ERBB4: variants seen among roughly 807,000 people sequenced by gnomAD.
ERBB4 encodes erb-b2 receptor tyrosine kinase 4.
In ERBB4, 42 loss-of-function variants were observed where a neutral mutation model predicts 158.0. That is an observed-to-expected ratio of 0.27 (90% CI 0.21 to 0.34). The LOEUF (loss-of-function observed/expected upper bound fraction) is 0.34, where lower values mean the gene tolerates loss of function less well. ERBB4 is among the 10% of genes least tolerant of loss of function. The probability of loss-of-function intolerance (pLI) is 1.00; values close to 1 mark genes in which losing one functional copy is unlikely to be tolerated. For missense variants in ERBB4, 1,333 were observed against 1,624.1 expected (o/e 0.82, Z 3.08); for synonymous variants, 583 against 558.7 (o/e 1.04, Z -0.61).
intron 19 of ERBB4, among the ~76,000 whole-genome samples, chr2:211,565,304 G>A (rs566837741): frequency 6.6e-6 from 1 of 151,096 alleles, no homozygotes; most frequent in Non-Finnish European, 1.5e-5. Flanking sequence ...ATGGGACAGA[G>A]TATGCCCTTC....
chr2:212,147,156 A>ATTTTTTTTTT (rs1454308946), intron 1 of ERBB4, among the ~76,000 whole-genome samples: 1 of 49,316 alleles, frequency 2.0e-5, no homozygotes, highest in African/African-American at 8.9e-5. Context: ...ATGCCCAGCT[A>ATTTTTTTTTT]ATTTTTTTTT....
At chr2:212,250,430 G>T (rs954586819) in intron 1 of ERBB4, among the ~76,000 whole-genome samples, 9 of 151,844 alleles carry the variant, frequency 5.9e-5, no homozygotes, top group Non-Finnish European at 2.9e-5. Context: ...TTCTCTCAAT[G>T]ACTTTTTATG....
chr2:211,733,484 G>C (rs529988987), intron 5 of ERBB4, among the ~76,000 whole-genome samples: 22 of 147,284 alleles, frequency 1.5e-4, no homozygotes, highest in Non-Finnish European at 2.2e-4. Flanking sequence ...TTAAAAATTA[G>C]AATTGAGGTC....
intron 1 of ERBB4, among the ~76,000 whole-genome samples, chr2:212,345,827 T>A (rs2088971197): frequency 6.6e-6 from 1 of 152,164 alleles, no homozygotes; most frequent in African/African-American, 2.4e-5. Context: ...ATTTCCCCAA[T>A]CAATCTATGA....
chr2:212,414,804 AG>A (rs1439169974), intron 1 of ERBB4, among the ~76,000 whole-genome samples: 3 of 152,188 alleles, frequency 2.0e-5, no homozygotes, highest in Non-Finnish European at 4.4e-5. Flanking sequence ...AAAGACATGG[AG>A]GCTAACTCAC....
intron 20 of ERBB4, among the ~76,000 whole-genome samples, chr2:211,462,886 AC>A (rs1409686814): frequency 6.6e-6 from 1 of 152,144 alleles, no homozygotes; most frequent in East Asian, 1.9e-4. Flanking sequence ...CTCAAGCTAT[AC>A]TTTATAGTTT....
chr2:211,665,558 T>A (rs1169032376), intron 14 of ERBB4, 81 bp from the exon 15 acceptor site: 1 of 1,376,360 alleles, frequency 7.3e-7, no homozygotes, highest in Non-Finnish European at 1.0e-6. Flanking sequence ...GTTTAGTTAC[T>A]GAGACTTCAG....
chr2:211,939,419 C>T (rs2080422297), intron 3 of ERBB4, among the ~76,000 whole-genome samples: 1 of 151,390 alleles, frequency 6.6e-6, no homozygotes, highest in Non-Finnish European at 1.5e-5. Flanking sequence ...GAACTGAAAG[C>T]AGTTTGCAAG....
At chr2:212,499,507 T>A (rs904303225) in intron 1 of ERBB4, among the ~76,000 whole-genome samples, 1 of 152,052 alleles carries the variant, frequency 6.6e-6, no homozygotes, top group Non-Finnish European at 1.5e-5. Flanking sequence ...TTTAGAGACA[T>A]GAGAATATTT....
Position 212,281,174 on chromosome 2 carries a change from T to G in ERBB4, c.83-156271A>C, listed in dbSNP as rs2106149535. Among the ~76,000 whole-genome samples the G allele has an allele frequency of 1.3e-5, 2 of 151,862 alleles. 1 individual carries two copies. The highest frequency in any genetic ancestry group is 4.1e-4 in the South Asian group (2 of 4,830). ...ACCGTCACAGATCTCAATTTGCTCT[T>G]CTATTATCATTAGTCTACTAATTTC... On this transcript the variant is annotated intron_variant, in intron 1 of 27. Coordinates refer to ENST00000342788, the MANE Select transcript of ERBB4 (RefSeq NM_005235.3).
At chr2:211,397,439 A>G (rs1348599325) in intron 25 of ERBB4, among the ~76,000 whole-genome samples, 1 of 152,232 alleles carries the variant, frequency 6.6e-6, no homozygotes, top group East Asian at 1.9e-4. Context: ...GCAAAAAATG[A>G]AATGGAACTA....
intron 5 of ERBB4, among the ~76,000 whole-genome samples, chr2:211,738,537 A>AT (rs1221930194): frequency 6.6e-6 from 1 of 151,398 alleles, no homozygotes; most frequent in Non-Finnish European, 1.5e-5. Flanking sequence ...CACTCAGCTA[A>AT]TTTTTTGTAT....
chr2:212,280,278 G>A (rs2085704979), intron 1 of ERBB4, among the ~76,000 whole-genome samples: 1 of 151,438 alleles, frequency 6.6e-6, no homozygotes, highest in African/African-American at 2.4e-5. Flanking sequence ...TTTTCCTGTA[G>A]CAACCAACAT....
intron 21 of ERBB4, among the ~76,000 whole-genome samples, chr2:211,429,883 A>T (rs1440495382): frequency 6.6e-6 from 1 of 152,222 alleles, no homozygotes; most frequent in Non-Finnish European, 1.5e-5. Context: ...ATCTTGCTTT[A>T]GACAAATCTT....
chr2:212,095,115 C>T (rs1427903006), intron 2 of ERBB4, among the ~76,000 whole-genome samples: 1 of 152,012 alleles, frequency 6.6e-6, no homozygotes, highest in South Asian at 2.1e-4. Flanking sequence ...ATCTTGATTG[C>T]TAGATTGTAA....
intron 15 of ERBB4, among the ~76,000 whole-genome samples, chr2:211,665,057 T>C (rs978181298): frequency 6.6e-6 from 1 of 152,222 alleles, no homozygotes; most frequent in African/African-American, 2.4e-5. Flanking sequence ...ATTTCTAAAC[T>C]GCATCCAAAG....
chr2:212,527,165 A>G (rs1398497037), intron 1 of ERBB4, among the ~76,000 whole-genome samples: 1 of 152,120 alleles, frequency 6.6e-6, no homozygotes, highest in Non-Finnish European at 1.5e-5. Context: ...ACAGTACTAA[A>G]TAAACCATCT....
At chr2:211,442,283 A>G (rs2063996155) in intron 20 of ERBB4, among the ~76,000 whole-genome samples, 1 of 152,096 alleles carries the variant, frequency 6.6e-6, no homozygotes, top group Non-Finnish European at 1.5e-5. Context: ...CTTAGATCAC[A>G]AATTAGATGT....
chr2:212,392,124 T>C (rs1291431018), intron 1 of ERBB4, among the ~76,000 whole-genome samples: 1 of 151,554 alleles, frequency 6.6e-6, no homozygotes, highest in Non-Finnish European at 1.5e-5. Flanking sequence ...CTGTAAAACA[T>C]ACATCAATGA....
Sources: gnomAD v4.1 joint callset for allele counts (sites outside exome capture counted in the v4.1 genomes callset) on GRCh38, gnomAD v4.1.1 for gene constraint, MANE v1.5 for transcripts, NCBI Gene and HGNC (gene_info 2026-07-23, HGNC 2026-07-21) for gene names.